The following THEMIS variants were observed in gnomAD, a reference collection of about 807,000 sequenced individuals.
THEMIS encodes thymocyte selection associated.
THEMIS carries 37 observed loss-of-function variants against 52.6 expected under a neutral mutation model. That is an observed-to-expected ratio of 0.70 (90% CI 0.54 to 0.93). The LOEUF (loss-of-function observed/expected upper bound fraction) is 0.93. Ranked by LOEUF, THEMIS falls within the 40% of genes least tolerant of loss-of-function variation. The probability of loss-of-function intolerance (pLI) is 0.00; values close to 1 mark genes in which losing one functional copy is unlikely to be tolerated. For missense variants in THEMIS, 808 were observed against 763.1 expected, an observed-to-expected ratio of 1.06 and a Z score of -0.69; for synonymous variants, 292 against 272.7, an observed-to-expected ratio of 1.07 and a Z score of -0.70.
chr6:127,717,306 G>A (rs552443032), intron 5 of THEMIS, among the ~76,000 whole-genome samples: 24 of 151,800 alleles, frequency 1.6e-4, no homozygotes, highest in Non-Finnish European at 3.4e-4. Context: ...ACCTAATGGG[G>A]GAGCCAAAAT....
chr6:127,726,795 C>G (rs887429398), intron 4 of THEMIS, among the ~76,000 whole-genome samples: 1 of 152,118 alleles, frequency 6.6e-6, no homozygotes, highest in South Asian at 2.1e-4. Flanking sequence ...AGGTGGAGAA[C>G]CTCTTCACAT....
chr6:127,863,648 C>T (rs184453033), intron 1 of THEMIS, among the ~76,000 whole-genome samples: 180 of 152,230 alleles, frequency 1.2e-3, no homozygotes, highest in Admixed American at 3.4e-3. Flanking sequence ...ATAAAACTAC[C>T]GGAACCACAA....
intron 2 of THEMIS, among the ~76,000 whole-genome samples, chr6:127,844,548 C>T (rs1476221161): frequency 6.6e-6 from 1 of 151,650 alleles, no homozygotes; most frequent in African/African-American, 2.4e-5. Context: ...AGTCTTCCTT[C>T]ACCATATCAT....
rs201146745 is a variant in THEMIS, at chr6:127,829,891, C to T, written c.294G>A (p.Met98Ile). The T allele has an allele frequency of 1.9e-5, 31 of 1,613,740 alleles. No individual in the cohort carries two copies. In the East Asian group the frequency reaches 6.2e-4, roughly 32 times the overall value. ...IVADKTPYLT[M>I]EEITRTIHIG... ...TATGAATGGTCCTTGTGATTTCTTC[C>T]ATAGTAAGGTATGGAGTTTTATCAG... Residue 98 changes from methionine to isoleucine, a missense_variant, in exon 3 of 6, where the codon ATG becomes ATA. Met to Ile is a conservative substitution (Grantham distance 10, BLOSUM62 1). Coordinates refer to ENST00000368248, the MANE Select transcript of THEMIS (RefSeq NM_001010923.3).
At chr6:127,824,304 G>A (rs1163999128) in intron 3 of THEMIS, among the ~76,000 whole-genome samples, 1 of 152,066 alleles carries the variant, frequency 6.6e-6, no homozygotes, top group Non-Finnish European at 1.5e-5. Flanking sequence ...GAGATCTTTA[G>A]CTCTGTCCCC....
chr6:127,849,400 G>A (rs1013314963), intron 2 of THEMIS, among the ~76,000 whole-genome samples: 2 of 151,812 alleles, frequency 1.3e-5, no homozygotes, highest in African/African-American at 4.8e-5. Context: ...GATTGACTTG[G>A]CAATGCGGGC....
chr6:127,751,224 C>T (rs965763181), intron 4 of THEMIS, among the ~76,000 whole-genome samples: 12 of 151,598 alleles, frequency 7.9e-5, no homozygotes, highest in East Asian at 1.9e-4. Flanking sequence ...AAATGTGTGT[C>T]GGGGGAAGAA....
At chr6:127,915,213 C>T (rs1781495691) in intron 1 of THEMIS, among the ~76,000 whole-genome samples, 1 of 150,144 alleles carries the variant, frequency 6.7e-6, no homozygotes, top group Non-Finnish European at 1.5e-5. Flanking sequence ...TGAAAACAGA[C>T]ATAGAAGCAA....
At chr6:127,792,317 G>A (rs374780389) in intron 4 of THEMIS, among the ~76,000 whole-genome samples, 4 of 152,316 alleles carry the variant, frequency 2.6e-5, no homozygotes, top group South Asian at 4.1e-4. Context: ...ATAAGTACCC[G>A]TGTTCTGTTG....
chr6:127,711,589 T>C (rs1773984351), intron 5 of THEMIS, among the ~76,000 whole-genome samples: 1 of 151,978 alleles, frequency 6.6e-6, no homozygotes, highest in Admixed American at 6.6e-5. Flanking sequence ...CTGTCCTCAA[T>C]GGCTGCCTTT....
At chr6:127,848,872 G>A (rs1032982137) in intron 2 of THEMIS, among the ~76,000 whole-genome samples, 15 of 152,078 alleles carry the variant, frequency 9.9e-5, no homozygotes, top group African/African-American at 2.4e-4. Context: ...CCATTTTGTC[G>A]GTTCCCTGTT....
At chr6:127,759,008 T>C (rs1391726520) in intron 4 of THEMIS, among the ~76,000 whole-genome samples, 1 of 152,118 alleles carries the variant, frequency 6.6e-6, no homozygotes, top group African/African-American at 2.4e-5. Context: ...AAGAATTATA[T>C]TACAAGACAG....
Position 127,901,014 on chromosome 6 carries a change from C to T in THEMIS, c.-82G>A. 1 of 1,068,832 alleles carries T rather than the reference C, an allele frequency of 9.4e-7. No individual in the cohort carries two copies. The highest frequency in any genetic ancestry group is 1.5e-6 in the Non-Finnish European group (1 of 687,662). The allele number at this position is 1,068,832 out of a possible 1,614,324, so 66.2% of individuals were successfully genotyped here. On this transcript the variant is annotated 5_prime_UTR_variant, in exon 1 of 6. Coordinates refer to ENST00000368248, the MANE Select transcript of THEMIS (RefSeq NM_001010923.3). ...GTGACACTTGTCTGCAATTGCAGCC[C>T]CTGCTCACCATTTCTTCCTCAGGCA... is the stretch of plus-strand genomic sequence containing the variant.
chr6:127,869,243 T>C (rs1447570969), intron 1 of THEMIS, among the ~76,000 whole-genome samples: 1 of 152,166 alleles, frequency 6.6e-6, no homozygotes. Flanking sequence ...AAGTTGAAAA[T>C]GCACTTAATA....
At chr6:127,857,387 G>A (rs111808728) in intron 1 of THEMIS, among the ~76,000 whole-genome samples, 2,994 of 144,962 alleles carry the variant, frequency 0.021, 46 homozygotes, top group Non-Finnish European at 0.031. Flanking sequence ...AAGGCACTGA[G>A]ATGTGAAAGA....
chr6:127,709,896 G>A lies in THEMIS; in HGVS notation c.*89C>T, dbSNP rs1773915796. The stretch of plus-strand genomic sequence containing the variant: ...ATCAAGTTTCTTCTGGAGTCCATTG[G>A]GGAATACTCGTTTTTCAGCTAGAAG... On this transcript the variant is annotated 3_prime_UTR_variant, in exon 6 of 6. Transcript: ENST00000368248. The A allele has an allele frequency of 7.8e-6, 9 of 1,158,110 alleles. No homozygotes were observed. The South Asian group carries it at 1.1e-4, about 14-fold the overall frequency. The allele number at this position is 1,158,110 out of a possible 1,614,324, so 71.7% of individuals were successfully genotyped here.
At chr6:127,797,042 T>C (rs1226420645) in intron 4 of THEMIS, among the ~76,000 whole-genome samples, 2 of 152,230 alleles carry the variant, frequency 1.3e-5, no homozygotes, top group African/African-American at 4.8e-5. Context: ...CTTCCTGCTG[T>C]AGCTTAATCC....
rs117905509 is a variant in THEMIS at position 127,824,090 on chromosome 6, A to T, written c.709+5386T>A. On this transcript the variant is annotated intron_variant, in intron 3 of 5. Transcript: ENST00000368248. ...AAGCCAGGAGGCTAAAAACACAGGGATTATTCAAATGTCTGAAGAATGGTT... is the reference window on the plus strand; with the variant it reads ...AAGCCAGGAGGCTAAAAACACAGGGTTTATTCAAATGTCTGAAGAATGGTT... Among the ~76,000 whole-genome samples, 204 of 152,292 alleles carry T rather than the reference A, an allele frequency of 1.3e-3. 5 individuals carry two copies. In the East Asian group the frequency reaches 0.034, roughly 25 times the overall value.
intron 5 of THEMIS, among the ~76,000 whole-genome samples, chr6:127,718,643 C>A (rs1348278319): frequency 1.3e-5 from 2 of 151,936 alleles, no homozygotes; most frequent in African/African-American, 4.8e-5. Context: ...GCTTGAGACT[C>A]AATGCGCTGC....
Sources: gnomAD v4.1 joint callset for allele counts (sites outside exome capture counted in the v4.1 genomes callset) on GRCh38, gnomAD v4.1.1 for gene constraint, MANE v1.5 for transcripts, NCBI Gene and HGNC (gene_info 2026-07-23, HGNC 2026-07-21) for gene names.